Variants in TICAM1 observed in about 807,000 individuals in gnomAD.
TICAM1 encodes the protein TIR domain-containing adapter molecule 1.
For missense variants in TICAM1, 895 were observed against 938.2 expected (o/e 0.95, Z 0.60); for synonymous variants, 439 against 415.4 (o/e 1.06, Z -0.69).
rs2146169649 is a variant in TICAM1, at chr19:4,817,343, A to G, written c.1035T>C (p.Asn345=). ...TGGGAGTAGGTGGGCACGGCTTGGT[A>G]TTTGGAGAGGTGGTATCTTCTACAG... ...QLSVEDTTSP[N]TKPCPPTPTT... Residue 345 remains asparagine (N), a synonymous_variant, in exon 2 of 2, where the codon AAT becomes AAC. Coordinates refer to ENST00000248244, the MANE Select transcript of TICAM1 (RefSeq NM_182919.4). This position sits in a 1 kb window ranked among gnomAD's most constrained non-coding sequence, Gnocchi z 4.7. The G allele has an allele frequency of 6.2e-7, 1 of 1,613,204 alleles. No homozygotes were observed.
rs553289665 is a variant in TICAM1 at position 4,827,904 on chromosome 19, C to T, written c.-140+3710G>A. Among the ~76,000 whole-genome samples, 16 of 152,204 alleles carry T rather than the reference C, an allele frequency of 1.1e-4. No individual in the cohort carries two copies. In the South Asian group the frequency reaches 3.3e-3, roughly 32 times the overall value. On this transcript the variant is annotated intron_variant, in intron 1 of 1. Coordinates refer to ENST00000248244, the MANE Select transcript of TICAM1 (RefSeq NM_182919.4). ...TGATCCACGAATCAACTGCTCTTCC[C>T]ACCTCCCGGTGTTTCCTGGGAACGG...
At chr19:4,827,107 T>C (rs1599147674) in intron 1 of TICAM1, among the ~76,000 whole-genome samples, 1 of 150,706 alleles carries the variant, frequency 6.6e-6, no homozygotes, top group African/African-American at 2.4e-5. Context: ...TCCCAGCACT[T>C]TGAGAGGCCG....
intron 1 of TICAM1, among the ~76,000 whole-genome samples, chr19:4,830,383 T>C (rs1484490818): frequency 6.6e-6 from 1 of 152,040 alleles, no homozygotes; most frequent in Non-Finnish European, 1.5e-5. Context: ...CGGCTAACTT[T>C]CTTTTTGAAT....
At chr19:4,822,922 G>A (rs2093600009) in intron 1 of TICAM1, among the ~76,000 whole-genome samples, 1 of 152,146 alleles carries the variant, frequency 6.6e-6, no homozygotes, top group Middle Eastern at 3.2e-3. Context: ...ATGTTGAAGT[G>A]CCAACCTCCA....
At chr19:4,821,648 T>C (rs939312850) in intron 1 of TICAM1, among the ~76,000 whole-genome samples, 7 of 151,480 alleles carry the variant, frequency 4.6e-5, no homozygotes, top group Non-Finnish European at 8.8e-5. Flanking sequence ...CCCACGATTT[T>C]TTTTTTTTTT....
intron 1 of TICAM1, among the ~76,000 whole-genome samples, chr19:4,823,198 C>T (rs1419778392): frequency 6.6e-6 from 1 of 152,064 alleles, no homozygotes; most frequent in Non-Finnish European, 1.5e-5. Context: ...GGCGCAGTGG[C>T]TCACGCCTGT....
chr19:4,825,366 T>C (rs1158999678), intron 1 of TICAM1, among the ~76,000 whole-genome samples: 3 of 152,198 alleles, frequency 2.0e-5, no homozygotes, highest in Non-Finnish European at 4.4e-5. Context: ...CCCTGTGACA[T>C]GCCATTTAGC....
Position 4,817,274 on chromosome 19 carries a change from T to TG in TICAM1, c.1103dup (p.Ser369IlefsTer28). The TG allele has an allele frequency of 6.3e-7, 1 of 1,575,642 alleles. No individual in the cohort carries two copies. The highest frequency in any genetic ancestry group is 8.6e-7 in the Non-Finnish European group (1 of 1,159,836). ...TCAGGTGAGCTGAACAAGGAGTAGATGAAGGAGGAGGAGGAGGAGGAGGAG... is the reference window on the plus strand; with the variant it reads ...TCAGGTGAGCTGAACAAGGAGTAGATGGAAGGAGGAGGAGGAGGAGGAGGAG... On this transcript the variant is annotated frameshift_variant, in exon 2 of 2. Coordinates refer to ENST00000248244, the MANE Select transcript of TICAM1 (RefSeq NM_182919.4). LOFTEE classifies it low-confidence loss of function (END_TRUNC). The surrounding 1 kb of genome is among the most constrained non-coding windows in gnomAD (Gnocchi z 4.7).
intron 1 of TICAM1, among the ~76,000 whole-genome samples, chr19:4,823,148 C>T (rs948456435): frequency 5.3e-5 from 8 of 151,924 alleles, no homozygotes; most frequent in Non-Finnish European, 1.0e-4. Flanking sequence ...GGTGAAATCC[C>T]GTCTTCACTA....
At chr19:4,827,372 C>CAAAAAAAAAAAAAAAAAAA (rs57574607) in intron 1 of TICAM1, among the ~76,000 whole-genome samples, 10 of 54,174 alleles carry the variant, frequency 1.8e-4, no homozygotes, top group African/African-American at 4.6e-4. Context: ...ACTCTGTCTC[C>CAAAAAAAAAAAAAAAAAAA]AAAAAAAAAA....
At chr19:4,827,073 G>A (rs528133996) in intron 1 of TICAM1, among the ~76,000 whole-genome samples, 15 of 151,878 alleles carry the variant, frequency 9.9e-5, no homozygotes, top group African/African-American at 2.9e-4. Context: ...CCAGACGGCC[G>A]GGCGCAGTGG....
Position 4,817,171 on chromosome 19 carries a change from T to C in TICAM1, c.1207A>G (p.Arg403Gly). The C allele has an allele frequency of 1.9e-6, 3 of 1,614,158 alleles. No homozygotes were observed. Among genetic ancestry groups the C allele is most frequent in the Non-Finnish European group, 2.5e-6 (3 of 1,180,030 alleles). ...CGCAGGGCGATGTGTTCGTCTGCCC[T>C]GGCGTGGAGGATCACAAAGTTATAG... ...KFYNFVILHA[R>G]ADEHIALRVR... is the part of the protein sequence containing the mutation. The change falls in exon 2 of 2, where the codon AGG becomes GGG. Residue 403 changes from arginine to glycine, a missense_variant. Coordinates refer to ENST00000248244, the MANE Select transcript of TICAM1 (RefSeq NM_182919.4). The surrounding 1 kb of genome is among the most constrained non-coding windows in gnomAD (Gnocchi z 4.7).
chr19:4,822,277 C>T (rs540736859), intron 1 of TICAM1, among the ~76,000 whole-genome samples: 4 of 150,908 alleles, frequency 2.7e-5, no homozygotes, highest in Admixed American at 2.0e-4. Context: ...GAGTCTCGCT[C>T]TGTCGCCCAG....
chr19:4,820,094 A>C (rs533724856), intron 1 of TICAM1, among the ~76,000 whole-genome samples: 1 of 152,150 alleles, frequency 6.6e-6, no homozygotes, highest in South Asian at 2.1e-4. Context: ...ATGACAATCA[A>C]TTCCAATATT....
rs375230364 is a variant in TICAM1, at chr19:4,817,834, T to C, written c.544A>G (p.Ile182Val). The change falls in exon 2 of 2, where the codon ATT becomes GTT. Residue 182 changes from isoleucine (I) to valine (V), a missense_variant. Transcript: ENST00000248244. The surrounding 1 kb of genome is among the most constrained non-coding windows in gnomAD (Gnocchi z 4.7). ...TGGCTCCAGTCCGAAACACCGTCAA[T>C]GGGGCGTGGGAGGCTCCTGGTCCCA... is the stretch of plus-strand genomic sequence containing the variant. The part of the protein sequence containing the change: ...PSGTRSLPRP[I>V]DGVSDWSQGC... 2.5e-6 allele frequency: 4 copies of C among 1,608,602 alleles called. No homozygotes were observed. In the African/African-American group the frequency reaches 5.3e-5, roughly 21 times the overall value.
At chr19:4,826,727 A>G (rs537688715) in intron 1 of TICAM1, among the ~76,000 whole-genome samples, 6 of 152,304 alleles carry the variant, frequency 3.9e-5, no homozygotes, top group Admixed American at 3.9e-4. Context: ...AAACAGAGGT[A>G]CAGAGAAGTT....
At chr19:4,828,318 T>A (rs566755271) in intron 1 of TICAM1, among the ~76,000 whole-genome samples, 1 of 151,952 alleles carries the variant, frequency 6.6e-6, no homozygotes, top group South Asian at 2.1e-4. Context: ...CACTGCAGCC[T>A]CAACCTCCTG....
At chr19:4,830,971 G>T (rs2093612818) in intron 1 of TICAM1, among the ~76,000 whole-genome samples, 1 of 152,212 alleles carries the variant, frequency 6.6e-6, no homozygotes, top group Admixed American at 6.6e-5. Context: ...ACCGTTAGGA[G>T]GGGGAGAAAG....
At chr19:4,825,696 G>A (rs1018095101) in intron 1 of TICAM1, among the ~76,000 whole-genome samples, 3 of 151,542 alleles carry the variant, frequency 2.0e-5, no homozygotes, top group Admixed American at 6.6e-5. Context: ...GGTGGCTCAC[G>A]CCTGTAATCC....
Sources: allele counts gnomAD v4.1 joint callset (sites outside exome capture counted in the v4.1 genomes callset), GRCh38; gene constraint gnomAD v4.1.1; non-coding constraint Gnocchi (gnomAD v3.1); transcripts MANE v1.5; gene names NCBI Gene and HGNC (gene_info 2026-07-23, HGNC 2026-07-21).